The following EXOC4 variants were observed in gnomAD, a reference collection of about 807,000 sequenced individuals.
EXOC4 encodes the protein exocyst complex component 4.
A neutral mutation model predicts 107.2 loss-of-function variants in EXOC4; 71 were observed. That is an observed-to-expected ratio of 0.66 (90% confidence interval 0.55 to 0.81). EXOC4 has a LOEUF of 0.81. Ranked by LOEUF, EXOC4 falls within the 30% of genes least tolerant of loss-of-function variation. EXOC4 has a pLI of 0.00. For missense variants in EXOC4, 1,108 were observed against 1,189.6 expected (o/e 0.93, Z 1.01); for synonymous variants, 456 against 441.2 (o/e 1.03, Z -0.42).
chr7:133,717,306 A>G (rs956142819), intron 10 of EXOC4, among the ~76,000 whole-genome samples: 2 of 152,228 alleles, frequency 1.3e-5, no homozygotes, highest in East Asian at 1.9e-4. Context: ...ACAATCTTCT[A>G]TTAGGTTAGT....
chr7:133,256,926 A>G (rs1795032111), intron 1 of EXOC4, among the ~76,000 whole-genome samples: 1 of 152,258 alleles, frequency 6.6e-6, no homozygotes, highest in African/African-American at 2.4e-5. Context: ...TAAACTTTAA[A>G]GCATTTAAAA....
chr7:133,782,766 A>T lies in EXOC4; in HGVS notation c.1515-34559A>T, dbSNP rs182360190. On this transcript the variant is annotated intron_variant, in intron 10 of 17. Coordinates refer to ENST00000253861, the MANE Select transcript of EXOC4 (RefSeq NM_021807.4). ...CGGACCCGGGTACTTAACTACAATTATGCTGTGCACGTGGAGAGAGGGGCA... is the reference window on the plus strand; with the variant it reads ...CGGACCCGGGTACTTAACTACAATTTTGCTGTGCACGTGGAGAGAGGGGCA... Among the ~76,000 whole-genome samples, 1,066 of 152,268 alleles carry T rather than the reference A, an allele frequency of 7.0e-3. 32 individuals are homozygous for T. Among genetic ancestry groups the T allele is most frequent in the Non-Finnish European group, 4.3e-3 (294 of 68,022 alleles).
At chr7:133,690,677 A>G (rs978118370) in intron 10 of EXOC4, among the ~76,000 whole-genome samples, 1 of 152,196 alleles carries the variant, frequency 6.6e-6, no homozygotes, top group Non-Finnish European at 1.5e-5. Context: ...GAATAACAGA[A>G]GACAGATTAA....
chr7:133,321,448 G>A (rs1795109917), intron 5 of EXOC4, among the ~76,000 whole-genome samples: 1 of 152,128 alleles, frequency 6.6e-6, no homozygotes, highest in South Asian at 2.1e-4. Flanking sequence ...AGGCCCAGGT[G>A]TGTGATGTTC....
chr7:133,905,954 C>A (rs1799555695), intron 12 of EXOC4, among the ~76,000 whole-genome samples: 1 of 152,096 alleles, frequency 6.6e-6, no homozygotes, highest in Non-Finnish European at 1.5e-5. Context: ...ACAGGACGAG[C>A]AAGCAGTGGA....
intron 11 of EXOC4, among the ~76,000 whole-genome samples, chr7:133,881,482 C>T (rs1798966028): frequency 6.6e-6 from 1 of 152,108 alleles, no homozygotes; most frequent in Non-Finnish European, 1.5e-5. Flanking sequence ...TGCCTTTCAC[C>T]CCAGTCCAAT....
chr7:133,901,111 C>G (rs1241927749), intron 12 of EXOC4, among the ~76,000 whole-genome samples: 1 of 152,140 alleles, frequency 6.6e-6, no homozygotes, highest in Non-Finnish European at 1.5e-5. Context: ...CTCAGGTGAT[C>G]CACCCACCTC....
downstream of EXOC4, among the ~76,000 whole-genome samples, chr7:134,069,520 C>G (rs936826497): frequency 6.6e-6 from 1 of 151,940 alleles, no homozygotes; most frequent in Admixed American, 6.6e-5. Context: ...TTCTTTGAGA[C>G]AAGGTCTCAC....
chr7:133,935,628 A>G (rs1325339678), intron 13 of EXOC4, among the ~76,000 whole-genome samples: 2 of 152,132 alleles, frequency 1.3e-5, no homozygotes, highest in East Asian at 1.9e-4. Context: ...CACTAAATAA[A>G]CTAGCCATCT....
intron 9 of EXOC4, among the ~76,000 whole-genome samples, chr7:133,516,658 A>G (rs1038607329): frequency 2.0e-5 from 3 of 151,056 alleles, no homozygotes; most frequent in African/African-American, 4.9e-5. Context: ...TTATATGCAC[A>G]TGTTTTCATT....
At chr7:133,539,493 A>G (rs1283196619) in intron 9 of EXOC4, among the ~76,000 whole-genome samples, 1 of 152,020 alleles carries the variant, frequency 6.6e-6, no homozygotes, top group Non-Finnish European at 1.5e-5. Context: ...ACTGATTGTT[A>G]ACAGAGTTCT....
chr7:133,424,177 C>G lies in EXOC4; in HGVS notation c.1182+49175C>G, dbSNP rs550230536. On this transcript the variant is annotated intron_variant, in intron 7 of 17. Transcript: ENST00000253861. ...AACAGCAACCTGGTGGGGTCACCTTCCACGCTCTGGTAGCTTTCTCTTTGT... is the reference window on the plus strand; with the variant it reads ...AACAGCAACCTGGTGGGGTCACCTTGCACGCTCTGGTAGCTTTCTCTTTGT... Among the ~76,000 whole-genome samples, 57 of 152,264 alleles carry G rather than the reference C, an allele frequency of 3.7e-4. No individual in the cohort carries two copies. In the Middle Eastern group the frequency reaches 0.014, roughly 36 times the overall value.
chr7:133,723,770 C>T (rs570147018), intron 10 of EXOC4, among the ~76,000 whole-genome samples: 17 of 152,178 alleles, frequency 1.1e-4, no homozygotes, highest in Admixed American at 3.3e-4. Flanking sequence ...GGACTACAGG[C>T]GTGAGTCACC....
chr7:133,253,221 G>C, intron 1 of EXOC4, 34 bp downstream of exon 1: 1 of 1,604,938 alleles, frequency 6.2e-7, no homozygotes, highest in Non-Finnish European at 8.5e-7. Context: ...CTGGGGACTG[G>C]GGGCAGCGGC....
intron 10 of EXOC4, among the ~76,000 whole-genome samples, chr7:133,681,022 A>T (rs1181834429): frequency 6.6e-6 from 1 of 152,162 alleles, no homozygotes; most frequent in Non-Finnish European, 1.5e-5. Flanking sequence ...GTGAGGGCTC[A>T]GTTTTTGGTT....
intron 9 of EXOC4, among the ~76,000 whole-genome samples, chr7:133,559,177 C>G (rs1800760759): frequency 6.6e-6 from 1 of 151,986 alleles, no homozygotes; most frequent in Admixed American, 6.5e-5. Context: ...TATGGGTATC[C>G]TTTCCAAGTG....
At chr7:134,051,768 G>A (rs571188592) in intron 17 of EXOC4, among the ~76,000 whole-genome samples, 14 of 151,812 alleles carry the variant, frequency 9.2e-5, no homozygotes, top group East Asian at 3.9e-4. Flanking sequence ...GGTGGATCAC[G>A]AGGTCAGGAG....
At chr7:133,255,391 G>A (rs1011451811) in intron 1 of EXOC4, among the ~76,000 whole-genome samples, 4 of 152,074 alleles carry the variant, frequency 2.6e-5, no homozygotes, top group Non-Finnish European at 5.9e-5. Context: ...TGGCCAGGAT[G>A]GTCTCGATCG....
At chr7:133,463,651 T>G (rs1366801485) in intron 7 of EXOC4, among the ~76,000 whole-genome samples, 1 of 152,186 alleles carries the variant, frequency 6.6e-6, no homozygotes, top group African/African-American at 2.4e-5. Context: ...TCTTACAGCC[T>G]AACTACTAAT....
Sources: allele counts gnomAD v4.1 joint callset (sites outside exome capture counted in the v4.1 genomes callset), GRCh38; gene constraint gnomAD v4.1.1; transcripts MANE v1.5; gene names NCBI Gene and HGNC (gene_info 2026-07-23, HGNC 2026-07-21).